CHLSN: variants seen among roughly 807,000 people sequenced by gnomAD.
CHLSN encodes the protein cholesin, also known as protein cholesin.
chr7:1,028,234 C>A, the CHLSN span: 3 of 1,086,210 alleles, frequency 2.8e-6, no homozygotes, highest in Non-Finnish European at 3.4e-6. Context: ...AGCCCGAATG[C>A]GGGCCCTGGC....
the CHLSN span, among the ~76,000 whole-genome samples, chr7:1,095,685 CCCA>C: frequency 6.6e-6 from 1 of 152,234 alleles, no homozygotes; most frequent in East Asian, 1.9e-4. Context: ...AAGCGCTGTC[CCCA>C]CCACACCAAG....
chr7:1,073,563 A>G, the CHLSN span, among the ~76,000 whole-genome samples: 8 of 151,954 alleles, frequency 5.3e-5, no homozygotes, highest in South Asian at 2.1e-4. Context: ...CCCAGCCCAT[A>G]TTTGGTTCTC....
chr7:1,066,409 A>G, the CHLSN span, among the ~76,000 whole-genome samples: 1 of 152,234 alleles, frequency 6.6e-6, no homozygotes, highest in South Asian at 2.1e-4. Flanking sequence ...GGCCATGCTG[A>G]GGGACAGGGG....
At chr7:1,093,298 G>A in the CHLSN span, 2 of 428,536 alleles carry the variant, frequency 4.7e-6, no homozygotes, top group Admixed American at 5.1e-5. Context: ...ACTGACGCTG[G>A]AGATGCAAGG....
At chr7:994,359 C>T in the CHLSN span, among the ~76,000 whole-genome samples, 2 of 152,006 alleles carry the variant, frequency 1.3e-5, no homozygotes, top group East Asian at 1.9e-4. Flanking sequence ...TGGGCTTTCA[C>T]CAGGTTGGTC....
the CHLSN span, among the ~76,000 whole-genome samples, chr7:1,080,047 C>G: frequency 6.6e-6 from 1 of 152,230 alleles, no homozygotes; most frequent in East Asian, 1.9e-4. Flanking sequence ...AGGGCCAACC[C>G]CTCCTCCCAG....
At chr7:984,572 G>A in the CHLSN span, 1 of 1,561,332 alleles carries the variant, frequency 6.4e-7, no homozygotes, top group Middle Eastern at 1.8e-4. Context: ...CAGCGAGGTG[G>A]AGGTCGGTGT....
At chr7:1,034,136 G>A in the CHLSN span, among the ~76,000 whole-genome samples, 6 of 152,348 alleles carry the variant, frequency 3.9e-5, no homozygotes, top group South Asian at 2.1e-4. Context: ...CAATGGGCTC[G>A]CGGAAACTGG....
chr7:1,030,866 C>T, the CHLSN span, among the ~76,000 whole-genome samples: 1 of 152,210 alleles, frequency 6.6e-6, no homozygotes, highest in Non-Finnish European at 1.5e-5. Context: ...ACACCCCGGG[C>T]CCCAACACAG....
At chr7:1,027,218 T>G in the CHLSN span, among the ~76,000 whole-genome samples, 3 of 152,362 alleles carry the variant, frequency 2.0e-5, no homozygotes, top group African/African-American at 7.2e-5. Flanking sequence ...TTGCCACAAC[T>G]CCTCAGTGAA....
chr7:985,536 G>A, the CHLSN span, among the ~76,000 whole-genome samples: 27 of 152,290 alleles, frequency 1.8e-4, no homozygotes, highest in East Asian at 3.9e-4. Flanking sequence ...GGAAATGGGG[G>A]ATCCCCATCT....
chr7:1,062,007 A>G, the CHLSN span, among the ~76,000 whole-genome samples: 27 of 152,248 alleles, frequency 1.8e-4, no homozygotes, highest in East Asian at 4.8e-3. Flanking sequence ...CGTCTGCCCA[A>G]CTCCCCAATT....
At chr7:1,126,105 T>G in the CHLSN span, among the ~76,000 whole-genome samples, 1 of 152,086 alleles carries the variant, frequency 6.6e-6, no homozygotes, top group African/African-American at 2.4e-5. Flanking sequence ...CTCACACCTG[T>G]AATCCCAGCA....
chr7:1,121,085 G>A, the CHLSN span, among the ~76,000 whole-genome samples: 1 of 152,210 alleles, frequency 6.6e-6, no homozygotes, highest in African/African-American at 2.4e-5. Context: ...GTGGCCGGCA[G>A]GGATGAAGGA....
the CHLSN span, among the ~76,000 whole-genome samples, chr7:1,053,322 G>A: frequency 7.9e-5 from 12 of 152,358 alleles, no homozygotes; most frequent in East Asian, 1.5e-3. Context: ...GGGGAGGGGC[G>A]TCCACAGTAG....
At chr7:1,136,048 G>GTT in the CHLSN span, among the ~76,000 whole-genome samples, 1 of 104,536 alleles carries the variant, frequency 9.6e-6, no homozygotes, top group Non-Finnish European at 1.8e-5. Flanking sequence ...AAATATATAA[G>GTT]TATATATAAA....
At chr7:1,005,425 C>T in the CHLSN span, among the ~76,000 whole-genome samples, 1 of 152,262 alleles carries the variant, frequency 6.6e-6, no homozygotes, top group African/African-American at 2.4e-5. Flanking sequence ...CTCGTAACTG[C>T]ACCAGGAACT....
chr7:1,122,382 G>A, the CHLSN span, among the ~76,000 whole-genome samples: 1 of 152,234 alleles, frequency 6.6e-6, no homozygotes, highest in Non-Finnish European at 1.5e-5. Flanking sequence ...CAGGGAGGCG[G>A]CCAGGTCATC....
chr7:1,019,219 G>GT, the CHLSN span, among the ~76,000 whole-genome samples: 1 of 137,386 alleles, frequency 7.3e-6, no homozygotes, highest in African/African-American at 2.6e-5. Context: ...AAACGGGGGG[G>GT]GGGGAGTGAA....
Sources: gnomAD v4.1 joint callset for allele counts (sites outside exome capture counted in the v4.1 genomes callset) on GRCh38, gnomAD v4.1.1 for gene constraint, MANE v1.5 for transcripts, NCBI Gene and HGNC (gene_info 2026-07-23, HGNC 2026-07-21) for gene names.